PTPRD: variants seen among roughly 807,000 people sequenced by gnomAD.
PTPRD encodes the protein receptor-type tyrosine-protein phosphatase delta.
PTPRD carries 34 observed loss-of-function variants against 214.5 expected under a neutral mutation model. That is an observed-to-expected ratio of 0.16 (90% confidence interval 0.12 to 0.21). The LOEUF is 0.21. Among genes scored for constraint, PTPRD ranks in the 10% least tolerant of loss-of-function variants. The pLI is 1.00. For synonymous variants in PTPRD, 1,128 were observed against 845.7 expected (o/e 1.33, Z -5.79); for missense variants, 2,545 against 2,398.7 (o/e 1.06, Z -1.27).
At chr9:9,163,004 T>C (rs1417846288) in intron 10 of PTPRD, among the ~76,000 whole-genome samples, 2 of 152,120 alleles carry the variant, frequency 1.3e-5, no homozygotes. Flanking sequence ...TCTCTTCTGG[T>C]GTGCCTCCTT....
intron 21 of PTPRD, among the ~76,000 whole-genome samples, chr9:8,508,587 GAGAAC>G (rs1178267220): frequency 1.0e-5 from 1 of 99,184 alleles, no homozygotes; most frequent in Non-Finnish European, 2.1e-5. Flanking sequence ...AAGAAAAAAA[GAGAAC>G]AATAATACTT....
intron 7 of PTPRD, among the ~76,000 whole-genome samples, chr9:9,635,757 T>A (rs2095745636): frequency 6.6e-6 from 1 of 152,186 alleles, no homozygotes; most frequent in Non-Finnish European, 1.5e-5. Flanking sequence ...ACCTACTTCC[T>A]TGCTTCCTAA....
chr9:9,751,086 T>G (rs991479989), intron 6 of PTPRD, among the ~76,000 whole-genome samples: 2 of 152,088 alleles, frequency 1.3e-5, no homozygotes, highest in African/African-American at 4.8e-5. Flanking sequence ...TGAATGAAGA[T>G]TCTAAACATG....
Position 8,733,863 on chromosome 9 carries a change from G to C in PTPRD, c.-20C>G, listed in dbSNP as rs1019776563. ...CACCATCCTGCAGCTTGGCAGCAGCGTGCGCGAGCAGCTTGGAATCACTGC... is the reference window on the plus strand; with the variant it reads ...CACCATCCTGCAGCTTGGCAGCAGCCTGCGCGAGCAGCTTGGAATCACTGC... On this transcript the variant is annotated 5_prime_UTR_variant, in exon 12 of 46. Transcript: ENST00000381196. The C allele has an allele frequency of 3.9e-6, 6 of 1,549,638 alleles. No individual in the cohort carries two copies. The highest frequency in any genetic ancestry group is 5.2e-6 in the Non-Finnish European group (6 of 1,146,804).
intron 2 of PTPRD, among the ~76,000 whole-genome samples, chr9:10,583,110 G>A (rs1317214700): frequency 6.6e-6 from 1 of 152,214 alleles, no homozygotes; most frequent in Non-Finnish European, 1.5e-5. Flanking sequence ...AGAGTTGGGT[G>A]ATGCAGCAGT....
chr9:9,240,384 C>A (rs947271910), intron 9 of PTPRD, among the ~76,000 whole-genome samples: 2 of 152,150 alleles, frequency 1.3e-5, no homozygotes, highest in African/African-American at 4.8e-5. Context: ...CATAAAAATT[C>A]TTTCTAGGCT....
Position 8,776,480 on chromosome 9 carries a change from T to A in PTPRD, c.-103-42534A>T, listed in dbSNP as rs527903557. Reference sequence around the variant, plus strand: ...CAATGTCCAGCTAATTTTTGGTTAGTAAAGATGGGATTTCGTCATGTTGCC... The same window carrying A: ...CAATGTCCAGCTAATTTTTGGTTAGAAAAGATGGGATTTCGTCATGTTGCC... On this transcript the variant is annotated intron_variant, in intron 11 of 45. Coordinates refer to ENST00000381196, the MANE Select transcript of PTPRD (RefSeq NM_002839.4). 3.3e-5 allele frequency among the ~76,000 whole-genome samples: 5 copies of A among 151,590 alleles called. No individual in the cohort carries two copies. In the East Asian group the frequency reaches 9.8e-4, roughly 30 times the overall value.
intron 9 of PTPRD, among the ~76,000 whole-genome samples, chr9:9,382,941 T>C (rs2062775541): frequency 6.6e-6 from 1 of 152,020 alleles, no homozygotes; most frequent in South Asian, 2.1e-4. Context: ...AATGAAAATG[T>C]TGTATATTTA....
chr9:9,591,337 T>G (rs674170), intron 7 of PTPRD, among the ~76,000 whole-genome samples: 38,287 of 151,500 alleles, frequency 0.25, 5,983 homozygotes, highest in Non-Finnish European at 0.35. Context: ...ATGAAGAAAA[T>G]GGATCTGTGT....
intron 11 of PTPRD, among the ~76,000 whole-genome samples, chr9:8,942,986 T>C (rs1402947831): frequency 1.3e-5 from 2 of 152,164 alleles, no homozygotes; most frequent in Non-Finnish European, 2.9e-5. Flanking sequence ...GTAGCACTTC[T>C]ATATGCCAAT....
intron 3 of PTPRD, among the ~76,000 whole-genome samples, chr9:10,245,485 C>T (rs1483223189): frequency 1.2e-4 from 18 of 152,142 alleles, no homozygotes; most frequent in Non-Finnish European, 2.9e-5. Flanking sequence ...TCACTGATGG[C>T]CTACTATGTA....
intron 14 of PTPRD, among the ~76,000 whole-genome samples, chr9:8,540,535 TTTA>T (rs1458799020): frequency 6.6e-6 from 1 of 152,184 alleles, no homozygotes; most frequent in African/African-American, 2.4e-5. Flanking sequence ...ATAATGCACG[TTTA>T]TTATTTTTAT....
chr9:9,282,496 G>T (rs1266679595), intron 9 of PTPRD, among the ~76,000 whole-genome samples: 2 of 151,324 alleles, frequency 1.3e-5, no homozygotes, highest in Admixed American at 6.6e-5. Flanking sequence ...AATTCAGATG[G>T]TTTTAGTTTT....
intron 9 of PTPRD, among the ~76,000 whole-genome samples, chr9:9,185,615 C>T (rs56095926): frequency 0.11 from 17,227 of 152,064 alleles, 1,019 homozygotes; most frequent in Middle Eastern, 0.18. Flanking sequence ...GAAGAGGAAA[C>T]TTTTGCTGCT....
intron 11 of PTPRD, among the ~76,000 whole-genome samples, chr9:8,743,392 T>C (rs1334298856): frequency 6.6e-6 from 1 of 152,164 alleles, no homozygotes. Flanking sequence ...TGAATAGATA[T>C]GGTTCCCATG....
chr9:10,413,014 A>C (rs1393470734), intron 2 of PTPRD, among the ~76,000 whole-genome samples: 1 of 151,834 alleles, frequency 6.6e-6, no homozygotes, highest in East Asian at 2.0e-4. Flanking sequence ...TCATACCAAA[A>C]AGGGAAAACC....
intron 3 of PTPRD, among the ~76,000 whole-genome samples, chr9:10,216,934 C>T (rs565121307): frequency 1.3e-5 from 2 of 152,052 alleles, no homozygotes; most frequent in East Asian, 3.9e-4. Context: ...CTGTTCATTC[C>T]TCCACTAGTC....
intron 10 of PTPRD, among the ~76,000 whole-genome samples, chr9:9,144,682 G>A (rs2099865732): frequency 1.3e-5 from 2 of 152,116 alleles, no homozygotes; most frequent in African/African-American, 2.4e-5. Context: ...GAACCTGGGA[G>A]GGGGAGGTTG....
intron 4 of PTPRD, among the ~76,000 whole-genome samples, chr9:10,002,675 C>G (rs1271771077): frequency 1.3e-5 from 2 of 148,952 alleles, no homozygotes; most frequent in Non-Finnish European, 3.0e-5. Flanking sequence ...ATGACAGAGT[C>G]TCAAAATACT....
Sources: allele counts gnomAD v4.1 joint callset (sites outside exome capture counted in the v4.1 genomes callset), GRCh38; gene constraint gnomAD v4.1.1; transcripts MANE v1.5; gene names NCBI Gene and HGNC (gene_info 2026-07-23, HGNC 2026-07-21).